Variants in PNPLA7 observed in about 807,000 individuals in gnomAD.
PNPLA7 encodes patatin-like phospholipase domain-containing protein 7.
In PNPLA7, 153 loss-of-function variants were observed where a neutral mutation model predicts 161.7. That is an observed-to-expected ratio of 0.95 (90% confidence interval 0.83 to 1.08). PNPLA7 has a LOEUF of 1.08. Ranked by LOEUF, PNPLA7 falls within the 50% of genes least tolerant of loss-of-function variation. The probability of loss-of-function intolerance (pLI) is 0.00; values close to 1 mark genes in which losing one functional copy is unlikely to be tolerated. For missense variants in PNPLA7, 1,739 were observed against 1,856.6 expected (o/e 0.94, Z 1.16); for synonymous variants, 809 against 782.1 (o/e 1.03, Z -0.57).
chr9:137,500,999 C>G lies in PNPLA7; in HGVS notation c.1552-103G>C, dbSNP rs1169811999. 13 of 1,034,228 alleles carry G rather than the reference C, an allele frequency of 1.3e-5. No individual in the cohort carries two copies. The highest frequency in any genetic ancestry group is 1.8e-5 in the Non-Finnish European group (13 of 715,366). The allele number at this position is 1,034,228 out of a possible 1,614,324, so 64.1% of individuals were successfully genotyped here. On this transcript the variant is annotated intron_variant, in intron 15 of 34. Coordinates refer to ENST00000406427, the MANE Select transcript of PNPLA7 (RefSeq NM_001098537.3). The surrounding 1 kb of genome is among the most constrained non-coding windows in gnomAD (Gnocchi z 5.5). ...GATGCCACCAGGCTCAGCCGGGAGA[C>G]CATCCGCCGACCTGATCAGCTCTGG...
At chr9:137,488,320 C>T (rs995933525) in intron 20 of PNPLA7, among the ~76,000 whole-genome samples, 1 of 152,246 alleles carries the variant, frequency 6.6e-6, no homozygotes, top group South Asian at 2.1e-4. Context: ...TTTCCTCTCG[C>T]CTCTCCAGGG....
intron 26 of PNPLA7, among the ~76,000 whole-genome samples, chr9:137,466,043 A>T (rs1172339058): frequency 1.3e-5 from 2 of 152,000 alleles, no homozygotes; most frequent in African/African-American, 4.8e-5. Flanking sequence ...AGCCGCCCTG[A>T]CCTGATCTCA....
chr9:137,485,928 G>A lies in PNPLA7; in HGVS notation c.2198-1192C>T, dbSNP rs574525782. 1.4e-4 allele frequency among the ~76,000 whole-genome samples: 21 copies of A among 152,288 alleles called. No homozygotes were observed. The East Asian group carries it at 2.9e-3, about 21-fold the overall frequency. Reference sequence around the variant, plus strand: ...TCCCAGGCCCTCTTTACTGGATGCCGTCTGGCGAGTGGCATCTCTGCTTCC... The same window carrying A: ...TCCCAGGCCCTCTTTACTGGATGCCATCTGGCGAGTGGCATCTCTGCTTCC... On this transcript the variant is annotated intron_variant, in intron 20 of 34. Coordinates refer to ENST00000406427, the MANE Select transcript of PNPLA7 (RefSeq NM_001098537.3).
chr9:137,475,196 T>G (rs1471455316), intron 25 of PNPLA7, among the ~76,000 whole-genome samples: 1 of 151,312 alleles, frequency 6.6e-6, no homozygotes. Flanking sequence ...AGGCCCATCA[T>G]GCACTTTCAG....
rs548393648 is a variant in PNPLA7 at position 137,547,052 on chromosome 9, G to A, written c.194-143C>T. The stretch of plus-strand genomic sequence containing the variant: ...GACAGCATGAGGGAAGAGGGCCTGA[G>A]TGACAGGCTCATCTCCAACAAAGGG... On this transcript the variant is annotated intron_variant, in intron 3 of 34. Transcript: ENST00000406427. The surrounding 1 kb of genome is among the most constrained non-coding windows in gnomAD (Gnocchi z 4.6). 2.0e-5 allele frequency: 16 copies of A among 802,912 alleles called. No homozygotes were observed. In the African/African-American group the frequency reaches 2.6e-4, roughly 13 times the overall value. 49.7% of individuals were successfully genotyped at this position (802,912 alleles called of 1,614,324 possible).
At chr9:137,548,768 A>C (rs918459637) in intron 1 of PNPLA7, among the ~76,000 whole-genome samples, 1 of 152,174 alleles carries the variant, frequency 6.6e-6, no homozygotes, top group South Asian at 2.1e-4. Flanking sequence ...AAACTCAGGG[A>C]AGTCAGAAGA....
chr9:137,495,269 G>T, intron 18 of PNPLA7, 123 bp from the exon 19 acceptor site: 1 of 652,212 alleles, frequency 1.5e-6, no homozygotes, highest in Non-Finnish European at 2.6e-6. Flanking sequence ...ACCGCAAGGC[G>T]GAGGCAGTCA....
Position 137,462,840 on chromosome 9 carries a change from A to G in PNPLA7, c.3344-7T>C, listed in dbSNP as rs1229407303. 6.2e-7 allele frequency: 1 copy of G among 1,613,326 alleles called. No homozygotes were observed. The highest frequency in any genetic ancestry group is 1.3e-5 in the African/African-American group (1 of 74,880). On this transcript the variant is annotated splice_region_variant and splice_polypyrimidine_tract_variant and intron_variant, in intron 29 of 34. Coordinates refer to ENST00000406427, the MANE Select transcript of PNPLA7 (RefSeq NM_001098537.3). ...ATGGACCGGGCCACATCCGCTAGGG[A>G]GAAGCCAGCCCTGGTTACCCCCTGG...
chr9:137,510,177 AGCAGACC>A (rs1192305428), intron 12 of PNPLA7, among the ~76,000 whole-genome samples: 1 of 152,176 alleles, frequency 6.6e-6, no homozygotes, highest in Non-Finnish European at 1.5e-5. Context: ...CCCGCTACTT[AGCAGACC>A]GGGAAAGGGA....
rs567544829 is a variant in PNPLA7, at chr9:137,514,535, G to T, written c.1225+844C>A. Among the ~76,000 whole-genome samples, 778 of 129,712 alleles carry T rather than the reference G, an allele frequency of 6.0e-3. 24 individuals are homozygous for T. The highest frequency in any genetic ancestry group is 0.022 in the African/African-American group (723 of 33,170). The allele number at this position is 129,712 out of a possible 152,430, so 85.1% of individuals were successfully genotyped here. A position where few individuals can be genotyped will look rare whatever the true frequency, so the allele number is the denominator to read the frequency against. ...TGCCCGGGCCCTGTGGCTGGGCTGC[G>T]GGCGGGTCACCCGGATGTTGAGGTG... On this transcript the variant is annotated intron_variant, in intron 12 of 34. Transcript: ENST00000406427.
At chr9:137,473,372 C>A (rs1460421132) in intron 25 of PNPLA7, among the ~76,000 whole-genome samples, 1 of 152,146 alleles carries the variant, frequency 6.6e-6, no homozygotes, top group African/African-American at 2.4e-5. Context: ...AATAGAAAAT[C>A]TTCTAGAAGA....
At position 137,460,401 on chromosome 9, in the gene PNPLA7, C is replaced by T; in HGVS notation, c.4021G>A (p.Asp1341Asn). The T allele has an allele frequency of 1.2e-6, 2 of 1,612,454 alleles. No individual in the cohort carries two copies. Among genetic ancestry groups the T allele is most frequent in the Non-Finnish European group, 1.7e-6 (2 of 1,179,764 alleles). The change falls in exon 35 of 35, where the codon GAC (aspartate) becomes AAC (asparagine). Residue 1341 changes from aspartate (D) to asparagine (N), a missense_variant. By Grantham distance (23) the Asp-to-Asn change is conservative. Transcript: ENST00000406427. ...PKLSEGSSDQ[D>N]G ...CTCTTTAGCAGAGGCCTCTACCCGT[C>T]CTGGTCAGAGGAGCCCTCAGACAGT...
intron 25 of PNPLA7, among the ~76,000 whole-genome samples, chr9:137,477,276 G>A (rs750085908): frequency 6.6e-6 from 1 of 152,242 alleles, no homozygotes; most frequent in African/African-American, 2.4e-5. Context: ...GGTGTCTGAC[G>A]ACAAGGCAGG....
chr9:137,530,205 T>C (rs1046772505), intron 8 of PNPLA7, among the ~76,000 whole-genome samples: 6 of 152,116 alleles, frequency 3.9e-5, no homozygotes, highest in Non-Finnish European at 5.9e-5. Context: ...GACCTTGTGA[T>C]CTGCCCGCCT....
chr9:137,550,033 TC>T, intron 1 of PNPLA7, 134 bp downstream of exon 1: 2 of 1,043,420 alleles, frequency 1.9e-6, no homozygotes, highest in South Asian at 1.3e-5. Flanking sequence ...GATCCACCAC[TC>T]CCACAGTCCT....
intron 25 of PNPLA7, among the ~76,000 whole-genome samples, chr9:137,473,201 G>A (rs139453342): frequency 2.6e-4 from 39 of 152,244 alleles, no homozygotes; most frequent in Admixed American, 1.2e-3. Context: ...CAACACATGG[G>A]GATTATGGGA....
At chr9:137,479,724 G>C (rs1450310738) in intron 23 of PNPLA7, 1 of 985,432 alleles carries the variant, frequency 1.0e-6, no homozygotes, top group Non-Finnish European at 1.2e-6. Flanking sequence ...AACAGGACTG[G>C]GTGGCCATGA....
intron 12 of PNPLA7, among the ~76,000 whole-genome samples, chr9:137,506,770 C>T (rs1833946265): frequency 6.6e-6 from 1 of 152,240 alleles, no homozygotes. Flanking sequence ...GACCTCTGGA[C>T]CAGCTGCTGT....
intron 11 of PNPLA7, among the ~76,000 whole-genome samples, 185 bp from the exon 12 acceptor site, chr9:137,515,704 T>C (rs997970456): frequency 1.3e-5 from 2 of 150,906 alleles, no homozygotes; most frequent in Admixed American, 6.6e-5. Flanking sequence ...TGCAAGCGAG[T>C]GCCGGCCTCT....
Sources: gnomAD v4.1 joint callset for allele counts (sites outside exome capture counted in the v4.1 genomes callset) on GRCh38, gnomAD v4.1.1 for gene constraint, Gnocchi (gnomAD v3.1) non-coding constraint, MANE v1.5 for transcripts, NCBI Gene and HGNC (gene_info 2026-07-23, HGNC 2026-07-21) for gene names.